The following SORCS3 variants were observed in gnomAD, a reference collection of about 807,000 sequenced individuals.
The protein encoded by SORCS3 is VPS10 domain-containing receptor SorCS3.
In SORCS3, 57 loss-of-function variants were observed where a neutral mutation model predicts 146.3. That is an observed-to-expected ratio of 0.39 (90% CI 0.31 to 0.49). The LOEUF is 0.49. SORCS3 is among the 20% of genes least tolerant of loss of function. SORCS3 has a pLI of 0.92. For synonymous variants in SORCS3, 653 were observed against 618.5 expected (o/e 1.06, Z -0.83); for missense variants, 1,341 against 1,575.5 (o/e 0.85, Z 2.52).
intron 1 of SORCS3, among the ~76,000 whole-genome samples, chr10:104,696,722 CAT>C (rs1204440566): frequency 1.4e-3 from 32 of 23,182 alleles, no homozygotes; most frequent in African/African-American, 4.2e-3. Context: ...TAATATATAA[CAT>C]ATATAATATA....
chr10:104,753,037 A>G (rs1050470765), intron 1 of SORCS3, among the ~76,000 whole-genome samples: 10 of 152,214 alleles, frequency 6.6e-5, no homozygotes, highest in African/African-American at 2.2e-4. Context: ...TTCAAAAGTA[A>G]TTTTGAACTA....
At chr10:104,837,384 C>T (rs1170098347) in intron 1 of SORCS3, among the ~76,000 whole-genome samples, 2 of 152,200 alleles carry the variant, frequency 1.3e-5, no homozygotes, top group Admixed American at 6.5e-5. Flanking sequence ...GCTATACACA[C>T]ACACATATAG....
intron 1 of SORCS3, among the ~76,000 whole-genome samples, chr10:104,714,889 A>G (rs1316653700): frequency 6.6e-6 from 1 of 152,194 alleles, no homozygotes; most frequent in Non-Finnish European, 1.5e-5. Context: ...TCAATCAGAC[A>G]AGCAACCAAG....
At chr10:105,116,990 C>A (rs144954202) in intron 7 of SORCS3, among the ~76,000 whole-genome samples, 1 of 151,746 alleles carries the variant, frequency 6.6e-6, no homozygotes, top group Non-Finnish European at 1.5e-5. Flanking sequence ...CCATGACATA[C>A]AATATGCCTA....
chr10:105,174,981 G>A (rs2056387852), intron 13 of SORCS3, among the ~76,000 whole-genome samples: 1 of 152,120 alleles, frequency 6.6e-6, no homozygotes, highest in South Asian at 2.1e-4. Flanking sequence ...GTGATGTGAA[G>A]ACGACTCCTT....
At chr10:105,261,071 G>A (rs1263603833) in intron 25 of SORCS3, among the ~76,000 whole-genome samples, 1 of 152,180 alleles carries the variant, frequency 6.6e-6, no homozygotes, top group Non-Finnish European at 1.5e-5. Context: ...TAAGTCGTGT[G>A]GATAGCAGAG....
At chr10:105,155,282 A>G (rs1186575270) in intron 9 of SORCS3, among the ~76,000 whole-genome samples, 2 of 152,186 alleles carry the variant, frequency 1.3e-5, no homozygotes, top group Non-Finnish European at 2.9e-5. Context: ...TCTGTGATGC[A>G]TTGAGCTGGG....
At chr10:105,201,036 A>C in intron 15 of SORCS3, 84 bp from the exon 16 acceptor site, 1 of 1,452,066 alleles carries the variant, frequency 6.9e-7, no homozygotes, top group South Asian at 1.3e-5. Context: ...GAGAATGAAC[A>C]GGCTAATGCT....
intron 6 of SORCS3, among the ~76,000 whole-genome samples, chr10:105,096,202 T>G (rs576912276): frequency 1.2e-4 from 19 of 152,012 alleles, no homozygotes; most frequent in African/African-American, 4.3e-4. Context: ...CAATGAAGTA[T>G]CTCCTGGGAA....
intron 1 of SORCS3, among the ~76,000 whole-genome samples, chr10:104,785,308 G>A (rs1589498207): frequency 6.9e-6 from 1 of 145,128 alleles, no homozygotes; most frequent in East Asian, 2.0e-4. Context: ...TCTGAAACAT[G>A]TGCTGTGTCC....
At chr10:104,884,843 C>CT (rs538298077) in intron 2 of SORCS3, among the ~76,000 whole-genome samples, 90 of 147,544 alleles carry the variant, frequency 6.1e-4, no homozygotes, top group African/African-American at 1.4e-3. Context: ...ATTTTTCTAG[C>CT]TTTTTTTTTT....
chr10:105,263,342 A>G lies in SORCS3; in HGVS notation c.3637A>G (p.Thr1213Ala). Residue 1213 changes from threonine (T) to alanine (A), a missense_variant, in exon 27 of 27, where the codon ACA becomes GCA. Physicochemically the swap from Thr to Ala is moderately conservative, Grantham distance 58. Transcript: ENST00000369701. ...GIATIANSES[T>A]KEIPNCTSV is the part of the protein sequence containing the mutation. The stretch of plus-strand genomic sequence containing the variant: ...TGCCACTATTGCAAACAGCGAAAGC[A>G]CAAAGGAGATCCCCAACTGCACTAG... 6.2e-7 allele frequency: 1 copy of G among 1,614,122 alleles called. No homozygotes were observed. Among genetic ancestry groups the G allele is most frequent in the East Asian group, 2.2e-5 (1 of 44,876 alleles).
intron 23 of SORCS3, 86 bp from the exon 24 acceptor site, chr10:105,255,616 T>C: frequency 1.2e-6 from 1 of 860,996 alleles, no homozygotes; most frequent in Non-Finnish European, 1.9e-6. Context: ...ACTTTTTACC[T>C]ATTGACCTTG....
At chr10:104,731,879 G>A (rs562474331) in intron 1 of SORCS3, among the ~76,000 whole-genome samples, 1 of 152,296 alleles carries the variant, frequency 6.6e-6, no homozygotes, top group African/African-American at 2.4e-5. Context: ...TTGTTTCATG[G>A]TGGTGACATT....
At chr10:104,782,892 G>C (rs928760327) in intron 1 of SORCS3, among the ~76,000 whole-genome samples, 1 of 152,182 alleles carries the variant, frequency 6.6e-6, no homozygotes, top group Non-Finnish European at 1.5e-5. Flanking sequence ...TGTTGGGCAT[G>C]AGTCCAACCA....
rs144306705 is a variant in SORCS3 at position 105,178,168 on chromosome 10, C to T, written c.2004C>T (p.Ile668=). The T allele has an allele frequency of 7.5e-6, 12 of 1,609,858 alleles. No individual in the cohort carries two copies. Among genetic ancestry groups the T allele is most frequent in the African/African-American group, 5.4e-5 (4 of 74,744 alleles). Residue 668 remains isoleucine (I), a synonymous_variant, in exon 14 of 27, where the codon ATC becomes ATT. Transcript: ENST00000369701. ...TGGAGGCAGGAATGGAGACCCACAT[C>T]ATGACGTGAGTACTTCTTTTGCTGT... ...ALVEAGMETH[I]MTVFGHFSLR...
intron 5 of SORCS3, among the ~76,000 whole-genome samples, chr10:105,078,130 A>G (rs186652603): frequency 4.5e-4 from 68 of 152,348 alleles, no homozygotes; most frequent in Middle Eastern, 3.4e-3. Flanking sequence ...ATAATATAAA[A>G]TGAAGACTTT....
At chr10:104,943,598 T>A (rs1158040071) in intron 3 of SORCS3, among the ~76,000 whole-genome samples, 2 of 152,178 alleles carry the variant, frequency 1.3e-5, no homozygotes, top group African/African-American at 4.8e-5. Context: ...AAAACCAAGT[T>A]TATGGTTTAT....
At chr10:104,921,099 G>T (rs1470657602) in intron 3 of SORCS3, among the ~76,000 whole-genome samples, 1 of 152,160 alleles carries the variant, frequency 6.6e-6, no homozygotes, top group Non-Finnish European at 1.5e-5. Flanking sequence ...ATTATGGTGG[G>T]GCTAGTAAGC....
Sources: allele counts gnomAD v4.1 joint callset (sites outside exome capture counted in the v4.1 genomes callset), GRCh38; gene constraint gnomAD v4.1.1; transcripts MANE v1.5; gene names NCBI Gene and HGNC (gene_info 2026-07-23, HGNC 2026-07-21).